Variants in NLGN4Y observed in about 807,000 individuals in gnomAD.
The protein encoded by NLGN4Y is neuroligin 4 Y-linked, also known as neuroligin-4, Y-linked.
NLGN4Y carries 4 observed loss-of-function variants against 8.4 expected under a neutral mutation model. The ratio of observed to expected loss-of-function variants is 0.48; its 90% confidence interval spans 0.23 to 1.09. The LOEUF is 1.09. Ranked by LOEUF, NLGN4Y falls within the 50% of genes least tolerant of loss-of-function variation. The probability of loss-of-function intolerance (pLI) is 0.19; values close to 1 mark genes in which losing one functional copy is unlikely to be tolerated. For synonymous variants in NLGN4Y, 35 were observed against 75.6 expected, an observed-to-expected ratio of 0.46 and a Z score of 2.78; for missense variants, 90 against 192.3, an observed-to-expected ratio of 0.47 and a Z score of 3.15.
intron 4 of NLGN4Y, among the ~76,000 whole-genome samples, chrY:14,763,550 A>T: frequency 3.0e-5 from 1 of 33,665 alleles, no homozygotes; most frequent in South Asian, 6.6e-4. Flanking sequence ...ACACATAATC[A>T]ACTTTATCTC....
At chrY:14,601,438 G>T (rs16980457) in intron 1 of NLGN4Y, among the ~76,000 whole-genome samples, 5,078 of 32,751 alleles carry the variant, frequency 0.16, no homozygotes, top group African/African-American at 0.6. Flanking sequence ...AGGCTGGAAG[G>T]TTGCATTGAC....
At chrY:14,640,137 C>T in intron 2 of NLGN4Y, 2 of 117,206 alleles carry the variant, frequency 1.7e-5, no homozygotes, top group Non-Finnish European at 3.7e-5. Context: ...TTTATAACTA[C>T]AGGAACTCGA....
chrY:14,792,641 T>A (rs2042989650), intron 4 of NLGN4Y, among the ~76,000 whole-genome samples: 1 of 27,360 alleles, frequency 3.7e-5, no homozygotes, highest in Non-Finnish European at 8.4e-5. Context: ...GAAAAAAAAA[T>A]TAGCTCAGTC....
At chrY:14,833,324 A>G (rs906727435) in intron 6 of NLGN4Y, among the ~76,000 whole-genome samples, 5 of 33,495 alleles carry the variant, frequency 1.5e-4, no homozygotes, top group Admixed American at 8.1e-4. Flanking sequence ...GAGGCAACAT[A>G]CATCCTCATC....
chrY:14,659,875 A>G (rs2080667920), intron 2 of NLGN4Y, among the ~76,000 whole-genome samples: 2 of 33,347 alleles, frequency 6.0e-5, no homozygotes, highest in Non-Finnish European at 1.5e-4. Flanking sequence ...TCCACTGGAC[A>G]TTGAGCATCT....
intron 4 of NLGN4Y, among the ~76,000 whole-genome samples, chrY:14,792,784 CAAAAAAAAAAAAAAAAAAAAAA>C (rs1302985273): frequency 2.1e-3 from 1 of 479 alleles, no homozygotes; most frequent in Non-Finnish European, 3.5e-3. Context: ...ATCCTGTCTC[CAAAAAAAAAAAAAAAAAAAAAA>C]AAAAAAAAAA....
intron 2 of NLGN4Y, among the ~76,000 whole-genome samples, chrY:14,651,422 TATTA>T (rs2080629230): frequency 5.9e-5 from 2 of 33,664 alleles, no homozygotes; most frequent in African/African-American, 1.2e-4. Flanking sequence ...AAGCATTATG[TATTA>T]ATTAATTATT....
At chrY:14,644,930 A>T in intron 2 of NLGN4Y, among the ~76,000 whole-genome samples, 1 of 32,849 alleles carries the variant, frequency 3.0e-5, no homozygotes, top group Admixed American at 2.8e-4. Flanking sequence ...TGGCTTCATG[A>T]AGTCAAGTGG....
intron 4 of NLGN4Y, among the ~76,000 whole-genome samples, chrY:14,755,796 C>T: frequency 3.0e-5 from 1 of 33,827 alleles, no homozygotes; most frequent in Non-Finnish European, 7.3e-5. Context: ...CCTGTGATGA[C>T]ACCACTGCAC....
At chrY:14,630,674 G>T (rs1040678792) in intron 2 of NLGN4Y, among the ~76,000 whole-genome samples, 6 of 33,152 alleles carry the variant, frequency 1.8e-4, no homozygotes, top group African/African-American at 7.1e-4. Context: ...AAGTCATTAG[G>T]TTTTGAGCCT....
At chrY:14,593,587 C>T in intron 1 of NLGN4Y, among the ~76,000 whole-genome samples, 3 of 33,348 alleles carry the variant, frequency 9.0e-5, no homozygotes, top group African/African-American at 3.5e-4. Flanking sequence ...TGTTTCAGTC[C>T]GGGAATACTG....
chrY:14,788,415 G>A, intron 4 of NLGN4Y, among the ~76,000 whole-genome samples: 1 of 33,190 alleles, frequency 3.0e-5, no homozygotes, highest in Non-Finnish European at 7.4e-5. Flanking sequence ...AGTTCCATCA[G>A]GTTGCGGGTC....
intron 4 of NLGN4Y, among the ~76,000 whole-genome samples, chrY:14,746,535 GAC>G (rs2081024669): frequency 3.0e-5 from 1 of 33,423 alleles, no homozygotes; most frequent in Non-Finnish European, 7.4e-5. Flanking sequence ...TGCATTGTTG[GAC>G]ACACTTCTTG....
At chrY:14,546,247 C>T (rs2080171993) in intron 1 of NLGN4Y, among the ~76,000 whole-genome samples, 45 of 31,939 alleles carry the variant, frequency 1.4e-3, no homozygotes, top group Non-Finnish European at 2.7e-3. Flanking sequence ...TTAGGATTGA[C>T]TAGGCAATGC....
At chrY:14,704,847 T>C in intron 2 of NLGN4Y, among the ~76,000 whole-genome samples, 1 of 33,045 alleles carries the variant, frequency 3.0e-5, no homozygotes, top group Non-Finnish European at 7.4e-5. Context: ...GAGCCTGTTA[T>C]TGGTCTGTTC....
chrY:14,823,294 A>G (rs2043129885), intron 4 of NLGN4Y, among the ~76,000 whole-genome samples: 2 of 33,616 alleles, frequency 5.9e-5, no homozygotes, highest in Admixed American at 2.7e-4. Flanking sequence ...CATCATACAA[A>G]CAAGCCCCTC....
chrY:14,697,765 C>T, intron 2 of NLGN4Y, among the ~76,000 whole-genome samples: 2 of 32,057 alleles, frequency 6.2e-5, no homozygotes, highest in South Asian at 7.2e-4. Context: ...AATTCCTGTG[C>T]GCCAATCCTT....
At chrY:14,553,251 C>T (rs746176219) in intron 1 of NLGN4Y, among the ~76,000 whole-genome samples, 32 of 32,768 alleles carry the variant, frequency 9.8e-4, no homozygotes, top group Admixed American at 3.1e-3. Flanking sequence ...AGCTACAAAC[C>T]ACTGTTCAAG....
intron 1 of NLGN4Y, among the ~76,000 whole-genome samples, chrY:14,568,472 A>G (rs1030768455): frequency 9.0e-5 from 3 of 33,491 alleles, no homozygotes; most frequent in African/African-American, 3.5e-4. Context: ...GTATTTTTCT[A>G]TGTAAGTTTT....
Sources: gnomAD v4.1 joint callset for allele counts (sites outside exome capture counted in the v4.1 genomes callset) on GRCh38, gnomAD v4.1.1 for gene constraint, MANE v1.5 for transcripts, NCBI Gene and HGNC (gene_info 2026-07-23, HGNC 2026-07-21) for gene names.